Variants in SLC24A2 observed in about 807,000 individuals in gnomAD.
SLC24A2 encodes solute carrier family 24 member 2.
In SLC24A2, 36 loss-of-function variants were observed where a neutral mutation model predicts 62.0. The ratio of observed to expected loss-of-function variants is 0.58; its 90% confidence interval spans 0.44 to 0.77. The LOEUF (loss-of-function observed/expected upper bound fraction) is 0.77. Ranked by LOEUF, SLC24A2 falls within the 30% of genes least tolerant of loss-of-function variation. SLC24A2 has a pLI of 0.00. For missense variants in SLC24A2, 846 were observed against 817.9 expected (o/e 1.03, Z -0.42); for synonymous variants, 358 against 294.0 (o/e 1.22, Z -2.23).
intron 8 of SLC24A2, among the ~76,000 whole-genome samples, chr9:19,531,555 A>G (rs1055867283): frequency 1.1e-4 from 16 of 152,194 alleles, no homozygotes; most frequent in African/African-American, 3.9e-4. Context: ...CATCAGAGTG[A>G]TATCGGCTTG....
At chr9:20,254,290 C>T in the SLC24A2 span, among the ~76,000 whole-genome samples, 3 of 152,186 alleles carry the variant, frequency 2.0e-5, no homozygotes, top group Non-Finnish European at 4.4e-5. Context: ...TGAGACTCCA[C>T]TTGTTCATCA....
At chr9:19,763,868 A>T (rs963595544) in intron 2 of SLC24A2, among the ~76,000 whole-genome samples, 7 of 151,974 alleles carry the variant, frequency 4.6e-5, no homozygotes, top group African/African-American at 1.7e-4. Flanking sequence ...TATTGTTTGG[A>T]ATAGTTTCAG....
At chr9:20,225,112 G>A in the SLC24A2 span, among the ~76,000 whole-genome samples, 1 of 152,056 alleles carries the variant, frequency 6.6e-6, no homozygotes, top group African/African-American at 2.4e-5. Context: ...CCTAGCACAA[G>A]AAAGTCTGTC....
chr9:19,598,972 G>C (rs1443420490), intron 4 of SLC24A2, among the ~76,000 whole-genome samples: 1 of 152,180 alleles, frequency 6.6e-6, no homozygotes, highest in East Asian at 1.9e-4. Context: ...TCAGCAAACA[G>C]AATATGAGTG....
chr9:20,203,556 C>T, the SLC24A2 span, among the ~76,000 whole-genome samples: 1 of 152,150 alleles, frequency 6.6e-6, no homozygotes, highest in Admixed American at 6.6e-5. Flanking sequence ...TTCAAAACCT[C>T]TTCTTGGCCA....
chr9:19,584,284 A>C (rs937943488), intron 5 of SLC24A2, among the ~76,000 whole-genome samples: 6 of 149,618 alleles, frequency 4.0e-5, no homozygotes, highest in Non-Finnish European at 4.4e-5. Flanking sequence ...AAAAAAAAAA[A>C]AAAAAAAAAC....
the SLC24A2 span, among the ~76,000 whole-genome samples, chr9:20,202,374 C>G: frequency 1.3e-5 from 2 of 152,188 alleles, no homozygotes; most frequent in African/African-American, 4.8e-5. Flanking sequence ...AAAACTGGAG[C>G]TTCCTCTTTG....
the SLC24A2 span, among the ~76,000 whole-genome samples, chr9:19,966,192 C>T: frequency 1.3e-5 from 2 of 152,044 alleles, no homozygotes; most frequent in Non-Finnish European, 2.9e-5. Flanking sequence ...TGTTCCAGTT[C>T]CAAATAAAAA....
At chr9:20,260,704 T>C in the SLC24A2 span, among the ~76,000 whole-genome samples, 1 of 152,176 alleles carries the variant, frequency 6.6e-6, no homozygotes, top group Non-Finnish European at 1.5e-5. Flanking sequence ...TTTGGCTACA[T>C]GAATAAGTTC....
chr9:20,233,845 G>T, the SLC24A2 span, among the ~76,000 whole-genome samples: 2 of 152,176 alleles, frequency 1.3e-5, no homozygotes, highest in East Asian at 1.9e-4. Context: ...AATTTGGCAT[G>T]TTTTTGCAGT....
chr9:19,767,473 C>T (rs1822552334), intron 2 of SLC24A2, among the ~76,000 whole-genome samples: 2 of 152,192 alleles, frequency 1.3e-5, no homozygotes, highest in Non-Finnish European at 2.9e-5. Context: ...GTTGTGAAGA[C>T]CATGGGAAAA....
chr9:20,244,538 C>T, the SLC24A2 span, among the ~76,000 whole-genome samples: 2 of 152,302 alleles, frequency 1.3e-5, no homozygotes, highest in South Asian at 2.1e-4. Context: ...CTCCAAGAGG[C>T]GCACCAGTGC....
At chr9:20,269,236 G>A in the SLC24A2 span, among the ~76,000 whole-genome samples, 1 of 152,060 alleles carries the variant, frequency 6.6e-6, no homozygotes, top group African/African-American at 2.4e-5. Flanking sequence ...TAATATAAAT[G>A]CATATGAATC....
chr9:20,205,099 A>G, the SLC24A2 span, among the ~76,000 whole-genome samples: 18 of 152,270 alleles, frequency 1.2e-4, no homozygotes, highest in Middle Eastern at 3.4e-3. Flanking sequence ...GAATGCCTGC[A>G]GGATGAAAAG....
chr9:19,840,069 T>C, the SLC24A2 span, among the ~76,000 whole-genome samples: 1 of 152,166 alleles, frequency 6.6e-6, no homozygotes, highest in Non-Finnish European at 1.5e-5. Flanking sequence ...CTGTGTATCA[T>C]TTTCAGAATG....
chr9:19,864,297 G>A, the SLC24A2 span, among the ~76,000 whole-genome samples: 1 of 151,724 alleles, frequency 6.6e-6, no homozygotes, highest in South Asian at 2.1e-4. Flanking sequence ...AATAGAGGAG[G>A]CAGAGGGAAT....
chr9:19,797,027 T>C, the SLC24A2 span, among the ~76,000 whole-genome samples: 4 of 152,314 alleles, frequency 2.6e-5, no homozygotes, highest in Admixed American at 1.3e-4. Flanking sequence ...TTCTCCATTT[T>C]CTATTCATCA....
At chr9:19,796,110 G>A in the SLC24A2 span, among the ~76,000 whole-genome samples, 101,728 of 128,982 alleles carry the variant, frequency 0.79, 41,175 homozygotes, top group Non-Finnish European at 0.9. Context: ...ATCACACACC[G>A]GGGCCTGTTG....
chr9:19,567,577 G>A (rs1249494026), intron 7 of SLC24A2, among the ~76,000 whole-genome samples: 1 of 145,332 alleles, frequency 6.9e-6, no homozygotes, highest in Non-Finnish European at 1.5e-5. Context: ...TAAGGAATAT[G>A]TTCTTATAAT....
Sources: gnomAD v4.1 joint callset for allele counts (sites outside exome capture counted in the v4.1 genomes callset) on GRCh38, gnomAD v4.1.1 for gene constraint, MANE v1.5 for transcripts, NCBI Gene and HGNC (gene_info 2026-07-23, HGNC 2026-07-21) for gene names.